Variants in FMN1 observed in about 807,000 individuals in gnomAD.
The protein encoded by FMN1 is formin 1, also known as formin-1.
FMN1 carries 110 observed loss-of-function variants against 132.4 expected under a neutral mutation model. The ratio of observed to expected loss-of-function variants is 0.83; its 90% CI spans 0.71 to 0.97. The LOEUF (loss-of-function observed/expected upper bound fraction) is 0.97, where lower values mean the gene tolerates loss of function less well. Among genes scored for constraint, FMN1 ranks in the 50% least tolerant of loss-of-function variants. The pLI is 0.00. For synonymous variants in FMN1, 722 were observed against 651.7 expected (o/e 1.11, Z -1.64); for missense variants, 1,792 against 1,705.3 (o/e 1.05, Z -0.90).
Position 32,777,660 on chromosome 15 carries a change from CGT to C in FMN1, c.4131-743_4131-742del, listed in dbSNP as rs1256425573. On this transcript the variant is annotated intron_variant, in intron 19 of 20. Transcript: ENST00000616417. ...TATAACATAACACATTTATATATTA[CGT>C]ATAACATAACACATTTATATATTAC... is the stretch of plus-strand genomic sequence containing the variant. 3.9e-4 allele frequency among the ~76,000 whole-genome samples: 53 copies of C among 136,764 alleles called. 13 individuals are homozygous for C. The highest frequency in any genetic ancestry group is 1.4e-3 in the African/African-American group (53 of 36,800). 89.7% of individuals were successfully genotyped at this position (136,764 alleles called of 152,430 possible). A position where few individuals can be genotyped will look rare whatever the true frequency, so the allele number is the denominator to read the frequency against.
In FMN1 at chr15:32,838,241, C is replaced by T. The variant is rs537396023; in HGVS notation, c.3928+18774G>A. Reference sequence around the variant, plus strand: ...TATGAAAGAAGGCAGACGCTCAAACCGAGGTAAGAGAGAAAAAATTAAAAG... The same window carrying T: ...TATGAAAGAAGGCAGACGCTCAAACTGAGGTAAGAGAGAAAAAATTAAAAG... On this transcript the variant is annotated intron_variant, in intron 17 of 20. Coordinates refer to ENST00000616417, the MANE Select transcript of FMN1 (RefSeq NM_001277313.2). 1.1e-4 allele frequency among the ~76,000 whole-genome samples: 16 copies of T among 150,822 alleles called. No homozygotes were observed. The South Asian group carries it at 2.1e-3, about 20-fold the overall frequency.
chr15:32,955,585 A>C (rs756469589), intron 9 of FMN1, among the ~76,000 whole-genome samples: 1 of 152,202 alleles, frequency 6.6e-6, no homozygotes, highest in Non-Finnish European at 1.5e-5. Context: ...GCCTGGATTG[A>C]GGATAAATGA....
chr15:32,940,391 T>TTGTGTGTG lies in FMN1; in HGVS notation c.3139-14138_3139-14131dup, dbSNP rs67121672. Among the ~76,000 whole-genome samples, 978 of 145,404 alleles carry TTGTGTGTG rather than the reference T, an allele frequency of 6.7e-3. 6 individuals carry two copies. Among genetic ancestry groups the TTGTGTGTG allele is most frequent in the African/African-American group, 0.017 (700 of 40,010 alleles). On this transcript the variant is annotated intron_variant, in intron 9 of 20. Transcript: ENST00000616417. ...ATGTCTACTGCAAACAAAATAAAAA[T>TTGTGTGTG]TGTGTGTGTGTGTGTGTGTGTGTGT... is the stretch of plus-strand genomic sequence containing the variant.
Position 33,154,599 on chromosome 15 carries a change from G to C in FMN1, c.316C>G (p.His106Asp), listed in dbSNP as rs1964596098. The change falls in exon 4 of 21, where the codon CAC becomes GAC. Residue 106 changes from histidine to aspartate, a missense_variant. By Grantham distance (81) the His-to-Asp change is moderately conservative. Coordinates refer to ENST00000616417, the MANE Select transcript of FMN1 (RefSeq NM_001277313.2). ...RLLTNLLSSD[H>D]ILGITMGNQE... The stretch of plus-strand genomic sequence containing the variant: ...TTCCCCATCGTGATCCCCAGGATGT[G>C]GTCTGAGCTCAGGAGATTGGTTAGC... The C allele has an allele frequency of 4.6e-6, 7 of 1,535,978 alleles. No homozygotes were observed. The African/African-American group carries it at 9.6e-5, about 21-fold the overall frequency.
chr15:33,153,756 C>T lies in FMN1; in HGVS notation c.1159G>A (p.Gly387Ser). 6.5e-7 allele frequency: 1 copy of T among 1,536,302 alleles called. No homozygotes were observed. The highest frequency in any genetic ancestry group is 8.7e-7 in the Non-Finnish European group (1 of 1,146,958). The change falls in exon 4 of 21, where the codon GGC (glycine) becomes AGC (serine). Residue 387 changes from glycine (G) to serine (S), a missense_variant. Gly to Ser is a moderately conservative substitution (Grantham distance 56). Transcript: ENST00000616417. ...EAGAHGSRRQ[G>S]KERQGDRSSQ... ...GACCTATCCCCTTGCCGCTCCTTGC[C>T]CTGCCGCCTGGAGCCATGAGCCCCA...
rs1223478028 is a variant in FMN1, at chr15:32,969,603, G to A, written c.2224-126C>T. 4 of 1,091,968 alleles carry A rather than the reference G, an allele frequency of 3.7e-6. No individual in the cohort carries two copies. The African/African-American group carries it at 6.4e-5, about 17-fold the overall frequency. The allele number at this position is 1,091,968 out of a possible 1,614,324, so 67.6% of individuals were successfully genotyped here. On this transcript the variant is annotated intron_variant, in intron 7 of 20. Transcript: ENST00000616417. ...GCCCACATAAATGCAGGGAAATACA[G>A]AGACATTCTTTTAAGAATCCATAAA...
chr15:32,831,738 T>C (rs17228822), intron 17 of FMN1, among the ~76,000 whole-genome samples: 2,346 of 146,668 alleles, frequency 0.016, 17 homozygotes, highest in Non-Finnish European at 0.021. Flanking sequence ...TCTCAAAGAA[T>C]GCAGCCTTTT....
chr15:32,992,274 T>C (rs973419124), intron 7 of FMN1, among the ~76,000 whole-genome samples: 2 of 152,174 alleles, frequency 1.3e-5, no homozygotes, highest in Non-Finnish European at 2.9e-5. Context: ...CTGTATTGTA[T>C]CCATCAAAAC....
At chr15:32,946,281 C>A (rs2061509557) in intron 9 of FMN1, among the ~76,000 whole-genome samples, 1 of 152,200 alleles carries the variant, frequency 6.6e-6, no homozygotes, top group South Asian at 2.1e-4. Context: ...AGGTGAATGG[C>A]ATAACATAGT....
intron 15 of FMN1, among the ~76,000 whole-genome samples, chr15:32,896,868 A>T (rs973058735): frequency 6.6e-6 from 1 of 152,200 alleles, no homozygotes; most frequent in African/African-American, 2.4e-5. Flanking sequence ...TGTTTCAATG[A>T]ATATGAGAGG....
intron 4 of FMN1, among the ~76,000 whole-genome samples, chr15:33,117,996 A>G (rs2039992467): frequency 6.6e-6 from 1 of 152,186 alleles, no homozygotes; most frequent in South Asian, 2.1e-4. Context: ...ATTTGCAAAG[A>G]CTTTTGCATC....
intron 6 of FMN1, among the ~76,000 whole-genome samples, chr15:33,048,909 T>C (rs1376300842): frequency 6.6e-6 from 1 of 152,154 alleles, no homozygotes; most frequent in Non-Finnish European, 1.5e-5. Context: ...AAGATAAGAT[T>C]TGGGTGAGGA....
intron 6 of FMN1, among the ~76,000 whole-genome samples, chr15:33,046,598 T>C (rs2036695231): frequency 2.6e-5 from 4 of 152,190 alleles, no homozygotes; most frequent in Non-Finnish European, 5.9e-5. Flanking sequence ...GTTGCTTGCC[T>C]GTGGTTTCAT....
Position 33,154,508 on chromosome 15 carries a change from G to A in FMN1, c.407C>T (p.Ala136Val). 3.3e-6 allele frequency: 5 copies of A among 1,536,058 alleles called. No homozygotes were observed. In the South Asian group the frequency reaches 5.9e-5, roughly 18 times the overall value. ...GGGGAGCTCTCCCTGCCAGTCACCA[G>A]CACTCTGGAAACAGTCATCCTCGGG... ...LAPEDDCFQS[A>V]GDWQGELPVG... is the part of the protein sequence containing the mutation. Residue 136 changes from alanine (A) to valine (V), a missense_variant, in exon 4 of 21, where the codon GCT becomes GTT. Coordinates refer to ENST00000616417, the MANE Select transcript of FMN1 (RefSeq NM_001277313.2).
chr15:33,133,414 C>G (rs1040434888), intron 4 of FMN1, among the ~76,000 whole-genome samples: 2 of 152,202 alleles, frequency 1.3e-5, no homozygotes, highest in African/African-American at 4.8e-5. Flanking sequence ...CTATGGTTCT[C>G]TGTAAATGGC....
At chr15:32,938,203 G>A (rs2061323772) in intron 9 of FMN1, among the ~76,000 whole-genome samples, 1 of 151,858 alleles carries the variant, frequency 6.6e-6, no homozygotes, top group Non-Finnish European at 1.5e-5. Context: ...CATCATTTAA[G>A]TATTCCCCTA....
chr15:33,008,963 A>T (rs1160769553), intron 6 of FMN1, among the ~76,000 whole-genome samples: 1 of 152,230 alleles, frequency 6.6e-6, no homozygotes, highest in Non-Finnish European at 1.5e-5. Context: ...TGTGAAAGCC[A>T]GGCTATTTCT....
chr15:32,809,563 T>C (rs1295813153), intron 17 of FMN1, among the ~76,000 whole-genome samples: 1 of 152,086 alleles, frequency 6.6e-6, no homozygotes, highest in Non-Finnish European at 1.5e-5. Context: ...CTGCATGGTG[T>C]CTTTATTTTT....
intron 4 of FMN1, among the ~76,000 whole-genome samples, chr15:33,133,545 G>C (rs1016804965): frequency 6.6e-6 from 1 of 152,178 alleles, no homozygotes; most frequent in Non-Finnish European, 1.5e-5. Flanking sequence ...CCTAAGGAAA[G>C]TCACTCTCTG....
Sources: allele counts gnomAD v4.1 joint callset (sites outside exome capture counted in the v4.1 genomes callset), GRCh38; gene constraint gnomAD v4.1.1; transcripts MANE v1.5; gene names NCBI Gene and HGNC (gene_info 2026-07-23, HGNC 2026-07-21).